Variants in ABHD18 observed in about 807,000 individuals in gnomAD.
ABHD18 encodes the protein cardiolipin-specific deacylase, mitochondrial.
Under a neutral mutation model 65.9 loss-of-function variants are expected in ABHD18, and 55 were observed. That is an observed-to-expected ratio of 0.84 (90% CI 0.67 to 1.05). ABHD18 has a LOEUF of 1.05. Ranked by LOEUF, ABHD18 falls within the 50% of genes least tolerant of loss-of-function variation. The probability of loss-of-function intolerance (pLI) is 0.00; values close to 1 mark genes in which losing one functional copy is unlikely to be tolerated. For missense variants in ABHD18, 533 were observed against 558.5 expected (o/e 0.95, Z 0.46); for synonymous variants, 181 against 180.2 (o/e 1.00, Z -0.04).
rs1454371026 is a variant in ABHD18, at chr4:128,028,769, C to T, written c.1096C>T (p.Gln366Ter). 1.9e-6 allele frequency: 3 copies of T among 1,613,040 alleles called. No homozygotes were observed. The highest frequency in any genetic ancestry group is 3.3e-5 in the Admixed American group (2 of 59,796). Reference protein sequence around the residue: ...PQSYHLLSKEQSRNSLRKESL... With the variant: ...PQSYHLLSKE ...GTCATACCACCTACTTAGTAAAGAA[C>T]AAAGCAGAAACAGTCTTCGGAAAGA... The change falls in exon 11 of 13, where the codon CAA (glutamine) becomes TAA (stop). Residue 366 changes from glutamine to a stop codon, truncating the protein, a stop_gained. Coordinates refer to ENST00000645843, the MANE Select transcript of ABHD18 (RefSeq NM_001358451.3). LOFTEE classifies it high-confidence loss of function.
chr4:128,034,650 TTTTC>T (rs1423960259), intron 12 of ABHD18, among the ~76,000 whole-genome samples: 1 of 151,968 alleles, frequency 6.6e-6, no homozygotes, highest in Non-Finnish European at 1.5e-5. Flanking sequence ...TTCCTTTTCT[TTTTC>T]TTTCTTTTTT....
chr4:127,971,757 G>A (rs1746865773), intron 1 of ABHD18, among the ~76,000 whole-genome samples: 1 of 151,916 alleles, frequency 6.6e-6, no homozygotes, highest in South Asian at 2.1e-4. Flanking sequence ...CAAAGTGCTG[G>A]GATTACAGGC....
intron 1 of ABHD18, among the ~76,000 whole-genome samples, chr4:127,980,247 G>A (rs748630): frequency 0.7 from 105,955 of 151,952 alleles, 37,376 homozygotes; most frequent in Middle Eastern, 0.82. Context: ...AAGTGAGTTC[G>A]ATTCTCTATT....
intron 1 of ABHD18, among the ~76,000 whole-genome samples, chr4:127,973,294 A>G (rs1258655872): frequency 1.3e-5 from 2 of 152,186 alleles, no homozygotes; most frequent in Admixed American, 6.5e-5. Context: ...GGGATTACAG[A>G]TGTAAGCCAC....
At chr4:127,974,186 C>CTGTT (rs1747414187) in intron 1 of ABHD18, among the ~76,000 whole-genome samples, 1 of 118,542 alleles carries the variant, frequency 8.4e-6, no homozygotes. Flanking sequence ...ACCTTAAGTT[C>CTGTT]TGTTTTTTTT....
chr4:128,011,306 G>A (rs1026360526), intron 6 of ABHD18, among the ~76,000 whole-genome samples: 6 of 151,626 alleles, frequency 4.0e-5, no homozygotes, highest in Non-Finnish European at 7.4e-5. Context: ...CCGCCACCTC[G>A]CCCAGCTAAT....
At chr4:128,006,147 G>GCTCACTGC in intron 4 of ABHD18, among the ~76,000 whole-genome samples, 1 of 152,282 alleles carries the variant, frequency 6.6e-6, no homozygotes, top group East Asian at 1.9e-4. Flanking sequence ...TTTGAGCAGA[G>GCTCACTGC]ACACTGATTA....
chr4:128,008,953 C>G lies in ABHD18; in HGVS notation c.312C>G (p.Ser104Arg). ...FQFIVPKEWN[S>R]KYRPVCIHLA... ...TTATTGTGCCTAAAGAATGGAACAG[C>G]AAATATAGACCTGTATGCATTCATC... is the stretch of plus-strand genomic sequence containing the variant. The change falls in exon 5 of 13, where the codon AGC becomes AGG. Residue 104 changes from serine (S) to arginine (R), a missense_variant. By Grantham distance (110) the Ser-to-Arg change is moderately radical. Coordinates refer to ENST00000645843, the MANE Select transcript of ABHD18 (RefSeq NM_001358451.3). 3 of 1,609,998 alleles carry G rather than the reference C, an allele frequency of 1.9e-6. No homozygotes were observed. Among genetic ancestry groups the G allele is most frequent in the Non-Finnish European group, 2.5e-6 (3 of 1,178,594 alleles).
At chr4:128,028,432 T>G (rs1459450429) in intron 10 of ABHD18, 43 bp from the exon 11 acceptor site, 2 of 1,370,024 alleles carry the variant, frequency 1.5e-6, no homozygotes, top group Non-Finnish European at 1.9e-6. Flanking sequence ...GTTAATACCC[T>G]ATTTTATATT....
chr4:127,987,570 G>A (rs1750185175), intron 3 of ABHD18, among the ~76,000 whole-genome samples: 1 of 151,800 alleles, frequency 6.6e-6, no homozygotes, highest in Non-Finnish European at 1.5e-5. Flanking sequence ...AAATTGGCCA[G>A]GCATGGTGGC....
rs370222831 is a variant in ABHD18, at chr4:128,019,013, C to CAA, written c.610-1048_610-1047dup. On this transcript the variant is annotated intron_variant, in intron 8 of 12. Coordinates refer to ENST00000645843, the MANE Select transcript of ABHD18 (RefSeq NM_001358451.3). ...TGAGCAACAGAGTGAGACTACATCT[C>CAA]AAAAAAAAAAAAAAAAAAAATTCAA... Among the ~76,000 whole-genome samples the CAA allele has an allele frequency of 1.7e-3, 99 of 58,306 alleles. 1 individual carries two copies. Among genetic ancestry groups the CAA allele is most frequent in the Non-Finnish European group, 2.9e-3 (79 of 27,510 alleles). The allele number at this position is 58,306 out of a possible 152,430, so 38.3% of individuals were successfully genotyped here.
intron 1 of ABHD18, among the ~76,000 whole-genome samples, chr4:127,968,126 G>T (rs111673160): frequency 6.6e-6 from 1 of 152,094 alleles, no homozygotes; most frequent in Non-Finnish European, 1.5e-5. Context: ...AGGAGAATGG[G>T]GTGAACCCGG....
At position 128,039,871 on chromosome 4, in the gene ABHD18, ACAGTAT is replaced by A. The variant is rs1759197963; in HGVS notation, c.*4066_*4071del. On this transcript the variant is annotated 3_prime_UTR_variant, in exon 13 of 13. Transcript: ENST00000645843. ...AATAAGCAAGGGAGGCTCTAGCAGA[ACAGTAT>A]CAGTATCTCTATAAAAATAACCAAA... The A allele has an allele frequency of 6.6e-6, 1 of 152,302 alleles. No individual in the cohort carries two copies. Among genetic ancestry groups the A allele is most frequent in the East Asian group, 1.9e-4 (1 of 5,186 alleles). 9.4% of individuals were successfully genotyped at this position (152,302 alleles called of 1,614,324 possible).
chr4:127,965,917 A>C (rs890561876), intron 1 of ABHD18: 3 of 152,440 alleles, frequency 2.0e-5, no homozygotes, highest in African/African-American at 7.2e-5. Context: ...TGTCAGAGCC[A>C]GGACTGAAGG....
chr4:127,998,541 CTTT>C (rs34575955), intron 4 of ABHD18, among the ~76,000 whole-genome samples: 1 of 142,974 alleles, frequency 7.0e-6, no homozygotes. Flanking sequence ...TCCCGGCTGA[CTTT>C]TTTTTTTTTT....
chr4:128,011,448 T>C (rs1754546156), intron 6 of ABHD18, among the ~76,000 whole-genome samples: 1 of 151,212 alleles, frequency 6.6e-6, no homozygotes, highest in Non-Finnish European at 1.5e-5. Context: ...GCGCCCGGCC[T>C]ATGTGATATA....
chr4:127,976,219 G>A (rs564318050), intron 1 of ABHD18, among the ~76,000 whole-genome samples: 2 of 152,210 alleles, frequency 1.3e-5, no homozygotes, highest in African/African-American at 2.4e-5. Context: ...TAACCCAGGG[G>A]TCAGGAAGCT....
At chr4:128,034,350 G>A (rs190959279) in intron 12 of ABHD18, among the ~76,000 whole-genome samples, 1 of 152,208 alleles carries the variant, frequency 6.6e-6, no homozygotes, top group East Asian at 1.9e-4. Flanking sequence ...CCCTTCCTAT[G>A]TTTTGGATTT....
intron 4 of ABHD18, among the ~76,000 whole-genome samples, chr4:127,997,021 G>A (rs1366416484): frequency 6.6e-6 from 1 of 152,168 alleles, no homozygotes; most frequent in Non-Finnish European, 1.5e-5. Context: ...TACATTCTCA[G>A]CTTACGAAGA....
Sources: allele counts gnomAD v4.1 joint callset (sites outside exome capture counted in the v4.1 genomes callset), GRCh38; gene constraint gnomAD v4.1.1; transcripts MANE v1.5; gene names NCBI Gene and HGNC (gene_info 2026-07-23, HGNC 2026-07-21).